Variants in LRP6 observed in about 807,000 individuals in gnomAD.
LRP6 encodes LDL receptor related protein 6.
LRP6 carries 43 observed loss-of-function variants against 184.1 expected under a neutral mutation model. The observed-to-expected ratio is 0.23, with a 90% confidence interval of 0.18 to 0.30. LRP6 has a LOEUF of 0.30. Among genes scored for constraint, LRP6 ranks in the 10% least tolerant of loss-of-function variants. The probability of loss-of-function intolerance (pLI) is 1.00; values close to 1 mark genes in which losing one functional copy is unlikely to be tolerated. For missense variants in LRP6, 1,571 were observed against 2,005.3 expected, an observed-to-expected ratio of 0.78 and a Z score of 4.14; for synonymous variants, 719 against 684.9, an observed-to-expected ratio of 1.05 and a Z score of -0.78.
At chr12:12,127,712 T>A (rs1949692142) in intron 19 of LRP6, among the ~76,000 whole-genome samples, 1 of 152,040 alleles carries the variant, frequency 6.6e-6, no homozygotes, top group Admixed American at 6.5e-5. Flanking sequence ...ATTAGAGCAT[T>A]ACTGTCTCTA....
intron 2 of LRP6, among the ~76,000 whole-genome samples, chr12:12,232,602 CAG>C (rs1035605911): frequency 3.5e-5 from 4 of 114,776 alleles, no homozygotes; most frequent in Non-Finnish European, 5.8e-5. Flanking sequence ...AAAAAAAAAA[CAG>C]AAGTAGATTT....
Position 12,225,295 on chromosome 12 carries a change from A to G in LRP6, c.449+18967T>C, listed in dbSNP as rs374237971. On this transcript the variant is annotated intron_variant, in intron 2 of 22. Transcript: ENST00000261349. The stretch of plus-strand genomic sequence containing the variant: ...AGTAAAAAGCTAAACAACAACAACA[A>G]CAAAGATCAACAACTCTTCTTAGAT... 4.6e-5 allele frequency among the ~76,000 whole-genome samples: 7 copies of G among 152,300 alleles called. No homozygotes were observed. The South Asian group carries it at 6.2e-4, about 14-fold the overall frequency.
chr12:12,159,610 C>A (rs1254359945), intron 11 of LRP6, among the ~76,000 whole-genome samples, 170 bp downstream of exon 11: 1 of 151,992 alleles, frequency 6.6e-6, no homozygotes, highest in East Asian at 1.9e-4. Flanking sequence ...AAGATGAATC[C>A]AAGTACCTGG....
rs1288776205 is a variant in LRP6 at position 12,116,225 on chromosome 12, C to T, written c.*4901G>A. On this transcript the variant is annotated 3_prime_UTR_variant, in exon 23 of 23. Transcript: ENST00000261349. ...TTGGCCATTATAACATAAATACATCCTTGCAAAGCACCATCGTACCAAAGT... is the reference window on the plus strand; with the variant it reads ...TTGGCCATTATAACATAAATACATCTTTGCAAAGCACCATCGTACCAAAGT... The T allele has an allele frequency of 6.6e-6, 1 of 152,166 alleles. No individual in the cohort carries two copies. Among genetic ancestry groups the T allele is most frequent in the Non-Finnish European group, 1.5e-5 (1 of 68,032 alleles). The allele number at this position is 152,166 out of a possible 1,614,324, so 9.4% of individuals were successfully genotyped here.
Position 12,121,324 on chromosome 12 carries a change from G to A in LRP6, c.4644C>T (p.Thr1548=), listed in dbSNP as rs761599436. Residue 1548 remains threonine (T), a synonymous_variant, in exon 23 of 23, where the codon ACC becomes ACT. Coordinates refer to ENST00000261349, the MANE Select transcript of LRP6 (RefSeq NM_002336.3). ...DSDYAPSRRM[T]SVATAKGYTS... Reference sequence around the variant, plus strand: ...TATAGCCCTTGGCTGTTGCCACTGAGGTCATTCTCCGACTAGGAGCATAGT... The same window carrying A: ...TATAGCCCTTGGCTGTTGCCACTGAAGTCATTCTCCGACTAGGAGCATAGT... 9.9e-6 allele frequency: 16 copies of A among 1,614,036 alleles called. No individual in the cohort carries two copies. The Admixed American group carries it at 1.2e-4, about 12-fold the overall frequency.
intron 13 of LRP6, among the ~76,000 whole-genome samples, chr12:12,150,353 T>A (rs1205960693): frequency 6.6e-6 from 1 of 152,220 alleles, no homozygotes; most frequent in Non-Finnish European, 1.5e-5. Flanking sequence ...ATATGTTTCA[T>A]ATCCTCTGAA....
At chr12:12,225,479 T>G (rs957232411) in intron 2 of LRP6, among the ~76,000 whole-genome samples, 1 of 152,146 alleles carries the variant, frequency 6.6e-6, no homozygotes, top group African/African-American at 2.4e-5. Flanking sequence ...AAATTGCGAT[T>G]GATGACTTGC....
rs962779822 is a variant in LRP6 at position 12,141,934 on chromosome 12, A to G, written c.3398-3400T>C. On this transcript the variant is annotated intron_variant, in intron 15 of 22. Coordinates refer to ENST00000261349, the MANE Select transcript of LRP6 (RefSeq NM_002336.3). Reference sequence around the variant, plus strand: ...TTGTGCCTCGAATTCTGGAAAGTTCATAACTATGCTGGGGAGGATGGAAAG... The same window carrying G: ...TTGTGCCTCGAATTCTGGAAAGTTCGTAACTATGCTGGGGAGGATGGAAAG... 5.9e-5 allele frequency among the ~76,000 whole-genome samples: 9 copies of G among 152,224 alleles called. No individual in the cohort carries two copies. The East Asian group carries it at 9.6e-4, about 16-fold the overall frequency.
chr12:12,247,589 C>A (rs1865219732), intron 1 of LRP6, among the ~76,000 whole-genome samples: 1 of 152,214 alleles, frequency 6.6e-6, no homozygotes, highest in African/African-American at 2.4e-5. Context: ...ATAAACCACA[C>A]TATTGAAAGG....
chr12:12,240,540 C>A (rs1250991498), intron 2 of LRP6, among the ~76,000 whole-genome samples: 2 of 151,842 alleles, frequency 1.3e-5, no homozygotes, highest in Non-Finnish European at 1.5e-5. Flanking sequence ...CCACTGCACT[C>A]CAGCCTGGGC....
intron 12 of LRP6, among the ~76,000 whole-genome samples, chr12:12,154,242 C>T (rs539827190): frequency 8.9e-4 from 102 of 115,010 alleles, no homozygotes; most frequent in Non-Finnish European, 1.3e-3. Flanking sequence ...TTACTATCCC[C>T]TTTTGCTTGA....
At chr12:12,129,384 G>C (rs546920410) in intron 19 of LRP6, among the ~76,000 whole-genome samples, 20 of 152,152 alleles carry the variant, frequency 1.3e-4, no homozygotes, top group African/African-American at 4.6e-4. Context: ...GTTATCTCTT[G>C]CTGACACCCC....
At position 12,126,702 on chromosome 12, in the gene LRP6, C is replaced by A; in HGVS notation, c.4301G>T (p.Gly1434Val). Residue 1434 changes from glycine (G) to valine (V), a missense_variant, in exon 20 of 23, where the codon GGA becomes GTA. Coordinates refer to ENST00000261349, the MANE Select transcript of LRP6 (RefSeq NM_002336.3). Reference sequence around the variant, plus strand: ...CCATCCTGACTCACCTGGAAGAGATCCTGACAAAGAACTTGGGTGTGGCAC... The same window carrying A: ...CCATCCTGACTCACCTGGAAGAGATACTGACAAAGAACTTGGGTGTGGCAC... Reference protein sequence around the residue: ...GYVPHPSSLSGSLPGMSRGKS... With the variant: ...GYVPHPSSLSVSLPGMSRGKS... 6.2e-7 allele frequency: 1 copy of A among 1,613,962 alleles called. No individual in the cohort carries two copies. The highest frequency in any genetic ancestry group is 8.5e-7 in the Non-Finnish European group (1 of 1,179,890).
intron 1 of LRP6, among the ~76,000 whole-genome samples, chr12:12,259,638 A>G (rs1223125009): frequency 6.6e-6 from 1 of 152,340 alleles, no homozygotes; most frequent in East Asian, 1.9e-4. Flanking sequence ...CTTGAGAAAC[A>G]AAAGCATATG....
Position 12,164,936 on chromosome 12 carries a change from AAAAAAAAAAAAAAAAAAAAG to A in LRP6, c.1762+123_1762+142del. On this transcript the variant is annotated intron_variant, in intron 8 of 22. Transcript: ENST00000261349. ...CTTCTCAGTAAAAAAAAAAAAAAAA[AAAAAAAAAAAAAAAAAAAAG>A]GCGGGGGGGCAGTAAAGAAGGTTTC... 9.3e-5 allele frequency: 31 copies of A among 335,090 alleles called. 5 individuals carry two copies. The highest frequency in any genetic ancestry group is 1.7e-4 in the Admixed American group (3 of 17,320). The allele number at this position is 335,090 out of a possible 1,614,324, so 20.8% of individuals were successfully genotyped here. A position where few individuals can be genotyped will look rare whatever the true frequency, so the allele number is the denominator to read the frequency against.
chr12:12,261,978 C>T (rs563985677), intron 1 of LRP6, among the ~76,000 whole-genome samples: 1 of 152,314 alleles, frequency 6.6e-6, no homozygotes, highest in East Asian at 1.9e-4. Flanking sequence ...CGCGGTGGCT[C>T]ACGCCTGTAA....
At chr12:12,204,112 G>C (rs1863984820) in intron 2 of LRP6, among the ~76,000 whole-genome samples, 1 of 152,060 alleles carries the variant, frequency 6.6e-6, no homozygotes, top group African/African-American at 2.4e-5. Flanking sequence ...ACCTCTTCAT[G>C]TGATATACCT....
chr12:12,188,405 AG>A (rs1392203348), intron 3 of LRP6, among the ~76,000 whole-genome samples: 1 of 152,130 alleles, frequency 6.6e-6, no homozygotes, highest in Non-Finnish European at 1.5e-5. Context: ...GGAAAAGGGA[AG>A]GGAAAGCATA....
At chr12:12,175,579 C>A (rs181646981) in intron 7 of LRP6, among the ~76,000 whole-genome samples, 12 of 150,936 alleles carry the variant, frequency 8.0e-5, no homozygotes, top group African/African-American at 2.4e-4. Context: ...CCCAGCTACT[C>A]AGGAGGCTGA....
Sources: allele counts gnomAD v4.1 joint callset (sites outside exome capture counted in the v4.1 genomes callset), GRCh38; gene constraint gnomAD v4.1.1; transcripts MANE v1.5; gene names NCBI Gene and HGNC (gene_info 2026-07-23, HGNC 2026-07-21).